The following FOXR1 variants were observed in gnomAD, a reference collection of about 807,000 sequenced individuals.
FOXR1 encodes the protein forkhead box protein R1.
A neutral mutation model predicts 34.5 loss-of-function variants in FOXR1; 25 were observed. That is an observed-to-expected ratio of 0.72 (90% CI 0.53 to 1.01). The LOEUF (loss-of-function observed/expected upper bound fraction) is 1.01, where lower values mean the gene tolerates loss of function less well. Ranked by LOEUF, FOXR1 falls within the 50% of genes least tolerant of loss-of-function variation. The pLI, the probability that FOXR1 is intolerant of heterozygous loss-of-function variation, is 0.00. For missense variants in FOXR1, 373 were observed against 376.2 expected, an observed-to-expected ratio of 0.99 and a Z score of 0.07; for synonymous variants, 153 against 141.6, an observed-to-expected ratio of 1.08 and a Z score of -0.57.
rs2134485427 is a variant in FOXR1, at chr11:118,978,876, A to G, written c.136+20A>G. The G allele has an allele frequency of 6.2e-7, 1 of 1,614,198 alleles. No homozygotes were observed. Among genetic ancestry groups the G allele is most frequent in the African/African-American group, 1.3e-5 (1 of 75,046 alleles). ...AGGATGGTACGTATTGAGTTCTCTG[A>G]CCTGTTTCTGTGGCCTGGGCTGGAG... On this transcript the variant is annotated intron_variant, in intron 2 of 5. Coordinates refer to ENST00000317011, the MANE Select transcript of FOXR1 (RefSeq NM_181721.3).
In FOXR1 at chr11:118,980,501, C is replaced by T; in HGVS notation, c.623C>T (p.Pro208Leu). ...CTCCCTGTCCATAGAAAGCACTTCC[C>T]CTTTTTCCGGACGGCCCCGGAAGGC... ...QIYSFTRKHF[P>L]FFRTAPEGWK... is the part of the protein sequence containing the mutation. Residue 208 changes from proline to leucine, a missense_variant, in exon 5 of 6, where the codon CCC (proline) becomes CTC (leucine). Physicochemically the swap from Pro to Leu is moderately conservative, Grantham distance 98 (BLOSUM62 -3). Coordinates refer to ENST00000317011, the MANE Select transcript of FOXR1 (RefSeq NM_181721.3). 1.2e-6 allele frequency: 2 copies of T among 1,614,232 alleles called. No homozygotes were observed. The highest frequency in any genetic ancestry group is 1.3e-5 in the African/African-American group (1 of 75,080).
Position 118,972,141 on chromosome 11 carries a change from CG to C in FOXR1, c.61+150del, listed in dbSNP as rs1192696488. On this transcript the variant is annotated intron_variant, in intron 1 of 5. Coordinates refer to ENST00000317011, the MANE Select transcript of FOXR1 (RefSeq NM_181721.3). ...CCGAGCGCCCCGCGCCCCCCCCCCC[CG>C]ACGGCTTAGCTCCGCCGCCCCCGCT... 1.0e-5 allele frequency: 7 copies of C among 669,758 alleles called. No homozygotes were observed. In the East Asian group the frequency reaches 2.0e-4, roughly 19 times the overall value. The allele number at this position is 669,758 out of a possible 1,614,324, so 41.5% of individuals were successfully genotyped here.
chr11:118,979,921 A>G (rs1941833173), intron 4 of FOXR1, among the ~76,000 whole-genome samples: 1 of 152,008 alleles, frequency 6.6e-6, no homozygotes, highest in Non-Finnish European at 1.5e-5. Flanking sequence ...TTTAAAACAT[A>G]CATTCACTTG....
rs782803686 is a variant in FOXR1 at position 118,980,637 on chromosome 11, G to T, written c.759G>T (p.Leu253Phe). 5 of 1,614,154 alleles carry T rather than the reference G, an allele frequency of 3.1e-6. No individual in the cohort carries two copies. The change falls in exon 5 of 6, where the codon TTG becomes TTT. Residue 253 changes from leucine (L) to phenylalanine (F), a missense_variant. Physicochemically the swap from Leu to Phe is conservative, Grantham distance 22. Coordinates refer to ENST00000317011, the MANE Select transcript of FOXR1 (RefSeq NM_181721.3). ...STRPRSCLWK[L>F]TEEGHRRFAE... is the part of the protein sequence containing the mutation. Reference sequence around the variant, plus strand: ...GGCCTCGATCTTGCCTCTGGAAGTTGACCGAGGAGGGACACCGCCGCTTTG... The same window carrying T: ...GGCCTCGATCTTGCCTCTGGAAGTTTACCGAGGAGGGACACCGCCGCTTTG...
chr11:118,972,131 C>A (rs1941714402), intron 1 of FOXR1, 139 bp downstream of exon 1: 2 of 430,594 alleles, frequency 4.6e-6, no homozygotes, highest in Non-Finnish European at 7.1e-6. Context: ...CGCCCCGCGC[C>A]CCCCCCCCCC....
chr11:118,980,750 G>A (rs1178882187), intron 5 of FOXR1, 22 bp downstream of exon 5: 2 of 1,596,822 alleles, frequency 1.3e-6, no homozygotes, highest in East Asian at 4.5e-5. Flanking sequence ...TGTTGTGCGT[G>A]GGCCCAAGGG....
chr11:118,976,146 CAGT>C (rs1352443596), intron 1 of FOXR1, among the ~76,000 whole-genome samples: 1 of 152,226 alleles, frequency 6.6e-6, no homozygotes, highest in East Asian at 1.9e-4. Context: ...GGAGTGTCCA[CAGT>C]AGAGTAGAAG....
intron 1 of FOXR1, among the ~76,000 whole-genome samples, chr11:118,976,040 G>A (rs1941775703): frequency 6.6e-6 from 1 of 152,152 alleles, no homozygotes; most frequent in Non-Finnish European, 1.5e-5. Context: ...TGGGGTTGAG[G>A]GAGTTAGCCA....
At chr11:118,975,727 G>A (rs1471612131) in intron 1 of FOXR1, among the ~76,000 whole-genome samples, 1 of 152,146 alleles carries the variant, frequency 6.6e-6, no homozygotes, top group Non-Finnish European at 1.5e-5. Context: ...CAACATCCTT[G>A]AAAAAGCATG....
Position 118,979,190 on chromosome 11 carries a change from C to A in FOXR1, c.370C>A (p.Pro124Thr). The A allele has an allele frequency of 6.5e-7, 1 of 1,528,300 alleles. No individual in the cohort carries two copies. Among genetic ancestry groups the A allele is most frequent in the Non-Finnish European group, 8.8e-7 (1 of 1,141,850 alleles). The allele number at this position is 1,528,300 out of a possible 1,614,324, so 94.7% of individuals were successfully genotyped here. A position where few individuals can be genotyped will look rare whatever the true frequency, so the allele number is the denominator to read the frequency against. The change falls in exon 3 of 6, where the codon CCC becomes ACC. Residue 124 changes from proline (P) to threonine (T), a missense_variant. Physicochemically the swap from Pro to Thr is conservative, Grantham distance 38. Transcript: ENST00000317011. ...CCCTCGGAAGCGGTTTGCCTTTTCC[C>A]CCAGCACCTGGGAGGTATGCATTTT... ...SPPRKRFAFS[P>T]STWELTEEEE... is the part of the protein sequence containing the mutation.
At position 118,978,991 on chromosome 11, in the gene FOXR1, A is replaced by G. The variant is rs782047930; in HGVS notation, c.171A>G (p.Val57=). The change falls in exon 3 of 6, where the codon GTA becomes GTG. Residue 57 remains valine (V), a synonymous_variant. Coordinates refer to ENST00000317011, the MANE Select transcript of FOXR1 (RefSeq NM_181721.3). ...ATGAGCCCAACCTCTGGATGTGGGT[A>G]AATCCCAACATTGTGTATCCCCCTG... is the stretch of plus-strand genomic sequence containing the variant. The part of the protein sequence containing the change: ...PDYEPNLWMW[V]NPNIVYPPGK... 4.4e-6 allele frequency: 7 copies of G among 1,603,238 alleles called. No homozygotes were observed. In the South Asian group the frequency reaches 5.5e-5, roughly 13 times the overall value.
rs140851689 is a variant in FOXR1 at position 118,976,944 on chromosome 11, A to G, written c.62-1838A>G. 6.6e-5 allele frequency among the ~76,000 whole-genome samples: 10 copies of G among 152,256 alleles called. No individual in the cohort carries two copies. The East Asian group carries it at 1.7e-3, about 26-fold the overall frequency. The stretch of plus-strand genomic sequence containing the variant: ...ACATATTGATTTGTAGGAGCTCTCT[A>G]TGTATCAGAGAACTGAGAAATTTGG... On this transcript the variant is annotated intron_variant, in intron 1 of 5. Coordinates refer to ENST00000317011, the MANE Select transcript of FOXR1 (RefSeq NM_181721.3).
Position 118,979,646 on chromosome 11 carries a change from C to A in FOXR1, c.589C>A (p.Gln197Lys). Reference sequence around the variant, plus strand: ...CAGTTCCCCCTGTGGCCTCAACGTGCAACAGATCTACAGTTTCACTCGGTA... The same window carrying A: ...CAGTTCCCCCTGTGGCCTCAACGTGAAACAGATCTACAGTTTCACTCGGTA... ...RNSSPCGLNV[Q>K]QIYSFTRKHF... The change falls in exon 4 of 6, where the codon CAA becomes AAA. Residue 197 changes from glutamine (Q) to lysine (K), a missense_variant. Physicochemically the swap from Gln to Lys is moderately conservative, Grantham distance 53. Coordinates refer to ENST00000317011, the MANE Select transcript of FOXR1 (RefSeq NM_181721.3). The A allele has an allele frequency of 6.2e-7, 1 of 1,607,684 alleles. No individual in the cohort carries two copies.
At position 118,980,726 on chromosome 11, in the gene FOXR1, C is replaced by A; in HGVS notation, c.848C>A (p.Pro283Gln). 6.2e-7 allele frequency: 1 copy of A among 1,610,938 alleles called. No individual in the cohort carries two copies. Among genetic ancestry groups the A allele is most frequent in the Non-Finnish European group, 8.5e-7 (1 of 1,179,310 alleles). ...LESIQQCMSQ[P>Q]DVMPFLFDL The stretch of plus-strand genomic sequence containing the variant: ...AGTATCCAACAGTGCATGAGCCAGC[C>A]AGGTGTGAAGACTTGTTGTGCGTGG... Residue 283 changes from proline to glutamine, a missense_variant and splice_region_variant, in exon 5 of 6, where the codon CCA becomes CAA. By Grantham distance (76) the Pro-to-Gln change is moderately conservative (BLOSUM62 -1). Transcript: ENST00000317011.
intron 1 of FOXR1, among the ~76,000 whole-genome samples, chr11:118,975,178 G>T (rs541805422): frequency 2.6e-5 from 4 of 152,228 alleles, no homozygotes; most frequent in Non-Finnish European, 5.9e-5. Flanking sequence ...CAAAACTAGG[G>T]CGTCTGTGGT....
At chr11:118,980,356 A>G in intron 4 of FOXR1, 134 bp from the exon 5 acceptor site, 6 of 1,017,588 alleles carry the variant, frequency 5.9e-6, no homozygotes, top group Non-Finnish European at 9.3e-6. Flanking sequence ...AGCAAAGAGC[A>G]ACTCCAGGCC....
intron 4 of FOXR1, chr11:118,980,278 G>A (rs1941837881): frequency 1.4e-6 from 1 of 694,904 alleles, no homozygotes; most frequent in Middle Eastern, 2.3e-4. Context: ...CCAAGCCCTG[G>A]GCCCTCAGAG....
At chr11:118,972,258 G>A (rs951178573) in intron 1 of FOXR1, among the ~76,000 whole-genome samples, 4 of 152,058 alleles carry the variant, frequency 2.6e-5, no homozygotes, top group Non-Finnish European at 5.9e-5. Context: ...AGGACAGCTG[G>A]TCTCACCTAA....
chr11:118,980,640 C>G lies in FOXR1; in HGVS notation c.762C>G (p.Thr254=). The part of the protein sequence containing the change: ...TRPRSCLWKL[T]EEGHRRFAEE... Reference sequence around the variant, plus strand: ...CTCGATCTTGCCTCTGGAAGTTGACCGAGGAGGGACACCGCCGCTTTGCGG... The same window carrying G: ...CTCGATCTTGCCTCTGGAAGTTGACGGAGGAGGGACACCGCCGCTTTGCGG... The change falls in exon 5 of 6, where the codon ACC becomes ACG. Residue 254 remains threonine (T), a synonymous_variant. Transcript: ENST00000317011. 2 of 1,614,108 alleles carry G rather than the reference C, an allele frequency of 1.2e-6. No individual in the cohort carries two copies. The highest frequency in any genetic ancestry group is 1.7e-6 in the Non-Finnish European group (2 of 1,180,050).
Sources: allele counts gnomAD v4.1 joint callset (sites outside exome capture counted in the v4.1 genomes callset), GRCh38; gene constraint gnomAD v4.1.1; transcripts MANE v1.5; gene names NCBI Gene and HGNC (gene_info 2026-07-23, HGNC 2026-07-21).